KCNMA1: variants seen among roughly 807,000 people sequenced by gnomAD.
KCNMA1 encodes Calcium-activated potassium channel subunit alpha-1.
Under a neutral mutation model 140.0 loss-of-function variants are expected in KCNMA1, and 29 were observed. That is an observed-to-expected ratio of 0.21 (90% CI 0.15 to 0.28). The LOEUF (loss-of-function observed/expected upper bound fraction) is 0.28. Among genes scored for constraint, KCNMA1 ranks in the 10% least tolerant of loss-of-function variants. The probability of loss-of-function intolerance (pLI) is 1.00; values close to 1 mark genes in which losing one functional copy is unlikely to be tolerated. For synonymous variants in KCNMA1, 612 were observed against 611.9 expected (o/e 1.00, Z 0.00); for missense variants, 880 against 1,602.2 (o/e 0.55, Z 7.70).
chr10:76,983,635 G>A (rs2080256571), intron 19 of KCNMA1, among the ~76,000 whole-genome samples: 1 of 151,794 alleles, frequency 6.6e-6, no homozygotes, highest in Non-Finnish European at 1.5e-5. Context: ...GCTGAGGCAG[G>A]AGAATCACTT....
At position 76,934,750 on chromosome 10, in the gene KCNMA1, GACTTCCTTT is replaced by G. The variant is rs2038725323; in HGVS notation, c.2902+10014_2902+10022del. On this transcript the variant is annotated intron_variant, in intron 23 of 27. Coordinates refer to ENST00000286628, the MANE Select transcript of KCNMA1 (RefSeq NM_001161352.2). ...TCTTAGAGGGTCCATGGGATTACAA[GACTTCCTTT>G]ACTTCTCTCTGATTCTACAGCTGTG... 2.0e-5 allele frequency among the ~76,000 whole-genome samples: 3 copies of G among 152,136 alleles called. No homozygotes were observed. In the South Asian group the frequency reaches 6.2e-4, roughly 31 times the overall value.
rs1170074968 is a variant in KCNMA1, at chr10:77,246,082, C to T, written c.602+5113G>A. Among the ~76,000 whole-genome samples, 4 of 152,168 alleles carry T rather than the reference C, an allele frequency of 2.6e-5. No homozygotes were observed. The East Asian group carries it at 7.7e-4, about 29-fold the overall frequency. On this transcript the variant is annotated intron_variant, in intron 3 of 27. Coordinates refer to ENST00000286628, the MANE Select transcript of KCNMA1 (RefSeq NM_001161352.2). ...GAGAAAGGGAGAACAAAAGAGAAAACAAGACCAGTGCATTGGCAGGATGAG... is the reference window on the plus strand; with the variant it reads ...GAGAAAGGGAGAACAAAAGAGAAAATAAGACCAGTGCATTGGCAGGATGAG...
intron 3 of KCNMA1, among the ~76,000 whole-genome samples, chr10:77,189,031 G>T (rs548193328): frequency 6.6e-6 from 1 of 152,230 alleles, no homozygotes; most frequent in East Asian, 1.9e-4. Context: ...CAGGGTAGTG[G>T]TTCTCAAACT....
chr10:77,300,916 G>T (rs1231908631), intron 2 of KCNMA1, among the ~76,000 whole-genome samples: 1 of 152,170 alleles, frequency 6.6e-6, no homozygotes, highest in African/African-American at 2.4e-5. Context: ...AAATCCTAGG[G>T]CACTCGCTGG....
chr10:77,193,457 C>T (rs1183509722), intron 3 of KCNMA1, among the ~76,000 whole-genome samples: 1 of 152,206 alleles, frequency 6.6e-6, no homozygotes, highest in East Asian at 1.9e-4. Context: ...TCCACTCCCT[C>T]CACTGATTCT....
chr10:77,117,144 CAT>C (rs1176090004), intron 6 of KCNMA1, among the ~76,000 whole-genome samples: 1 of 152,176 alleles, frequency 6.6e-6, no homozygotes, highest in African/African-American at 2.4e-5. Context: ...CAAAAGGTGA[CAT>C]AGTAGATGTA....
chr10:77,057,345 T>C (rs1046249883), intron 14 of KCNMA1, among the ~76,000 whole-genome samples: 4 of 152,108 alleles, frequency 2.6e-5, no homozygotes, highest in Non-Finnish European at 5.9e-5. Context: ...GAAATAAAGA[T>C]ATTTTCAGAT....
At chr10:77,215,387 T>TTGTTC (rs2047389811) in intron 3 of KCNMA1, among the ~76,000 whole-genome samples, 1 of 148,076 alleles carries the variant, frequency 6.8e-6, no homozygotes, top group African/African-American at 2.5e-5. Flanking sequence ...TTGTTTTGTT[T>TTGTTC]TGTCTGTCTT....
chr10:77,103,818 G>C (rs2097147785), intron 9 of KCNMA1, among the ~76,000 whole-genome samples: 1 of 152,152 alleles, frequency 6.6e-6, no homozygotes, highest in South Asian at 2.1e-4. Context: ...GGACCCTTAG[G>C]GGTAGTGGGT....
At chr10:76,990,586 C>T (rs1333615994) in intron 19 of KCNMA1, among the ~76,000 whole-genome samples, 2 of 152,184 alleles carry the variant, frequency 1.3e-5, no homozygotes, top group African/African-American at 4.8e-5. Context: ...ATGACCTGAG[C>T]CCCTTCCTCC....
intron 1 of KCNMA1, among the ~76,000 whole-genome samples, chr10:77,433,961 A>G (rs939498549): frequency 2.0e-5 from 3 of 152,192 alleles, no homozygotes; most frequent in African/African-American, 4.8e-5. Context: ...CTGCAATTCC[A>G]TCAAGCCACA....
chr10:77,403,754 A>G (rs1192073336), intron 2 of KCNMA1, 108 bp downstream of exon 2: 13 of 1,159,594 alleles, frequency 1.1e-5, no homozygotes, highest in South Asian at 1.5e-5. Flanking sequence ...CCACCTCCCA[A>G]TAGCCAGCCT....
At chr10:76,994,343 T>A (rs1202224071) in intron 19 of KCNMA1, among the ~76,000 whole-genome samples, 1 of 152,208 alleles carries the variant, frequency 6.6e-6, no homozygotes, top group Non-Finnish European at 1.5e-5. Context: ...AAATGCTATA[T>A]AAGTGTTAAA....
intron 1 of KCNMA1, among the ~76,000 whole-genome samples, chr10:77,536,586 C>T (rs900436921): frequency 1.7e-4 from 26 of 152,128 alleles, no homozygotes; most frequent in African/African-American, 6.3e-4. Flanking sequence ...GACTGCCTCC[C>T]CCAGGTAGAG....
chr10:77,248,411 C>G (rs1390742092), intron 3 of KCNMA1, among the ~76,000 whole-genome samples: 1 of 152,138 alleles, frequency 6.6e-6, no homozygotes, highest in African/African-American at 2.4e-5. Flanking sequence ...CCATTTCACG[C>G]ATGTCTGTTG....
intron 1 of KCNMA1, among the ~76,000 whole-genome samples, chr10:77,499,786 T>C (rs2043223771): frequency 6.6e-6 from 1 of 152,064 alleles, no homozygotes; most frequent in Non-Finnish European, 1.5e-5. Context: ...AACCCTAAGA[T>C]CTATTAGGTT....
At chr10:77,149,371 C>T (rs2098377778) in intron 5 of KCNMA1, among the ~76,000 whole-genome samples, 1 of 152,350 alleles carries the variant, frequency 6.6e-6, no homozygotes, top group South Asian at 2.1e-4. Context: ...TAGCAAGTCT[C>T]ATTTTGTAAT....
intron 9 of KCNMA1, among the ~76,000 whole-genome samples, chr10:77,101,911 A>G (rs376780205): frequency 6.6e-6 from 1 of 152,208 alleles, no homozygotes; most frequent in Admixed American, 6.5e-5. Flanking sequence ...GCTAGAGGCC[A>G]TGCCTTCCCA....
chr10:77,479,942 C>T (rs947291242), intron 1 of KCNMA1, among the ~76,000 whole-genome samples: 5 of 152,184 alleles, frequency 3.3e-5, no homozygotes, highest in Non-Finnish European at 5.9e-5. Flanking sequence ...GTGTGTCCCA[C>T]GGAGCCAAGC....
Sources: gnomAD v4.1 joint callset for allele counts (sites outside exome capture counted in the v4.1 genomes callset) on GRCh38, gnomAD v4.1.1 for gene constraint, MANE v1.5 for transcripts, NCBI Gene and HGNC (gene_info 2026-07-23, HGNC 2026-07-21) for gene names.